Variants in ZBTB10 observed in about 807,000 individuals in gnomAD.
ZBTB10 encodes the protein zinc finger and BTB domain-containing protein 10.
ZBTB10 carries 32 observed loss-of-function variants against 76.4 expected under a neutral mutation model. The observed-to-expected ratio is 0.42, with a 90% CI of 0.32 to 0.56. The LOEUF (loss-of-function observed/expected upper bound fraction) is 0.56, where lower values mean the gene tolerates loss of function less well. Among genes scored for constraint, ZBTB10 ranks in the 20% least tolerant of loss-of-function variants. The pLI is 0.14. For synonymous variants in ZBTB10, 523 were observed against 432.9 expected (o/e 1.21, Z -2.58); for missense variants, 1,057 against 1,098.5 (o/e 0.96, Z 0.53).
chr8:80,489,599 T>C (rs1815571681), intron 1 of ZBTB10, among the ~76,000 whole-genome samples: 1 of 152,218 alleles, frequency 6.6e-6, no homozygotes, highest in Admixed American at 6.5e-5. Flanking sequence ...GGGCATTAAT[T>C]GGATAACCTT....
At chr8:80,494,033 T>A (rs1815718348) in intron 1 of ZBTB10, among the ~76,000 whole-genome samples, 1 of 152,216 alleles carries the variant, frequency 6.6e-6, no homozygotes, top group African/African-American at 2.4e-5. Context: ...TAGCATGTAT[T>A]TGGCAAAACT....
intron 2 of ZBTB10, among the ~76,000 whole-genome samples, chr8:80,502,267 A>T (rs1815943654): frequency 6.6e-6 from 1 of 151,902 alleles, no homozygotes; most frequent in Admixed American, 6.6e-5. Flanking sequence ...ACGGAGTCTC[A>T]CTCTGTTGCC....
In ZBTB10 at chr8:80,486,413, TGC is replaced by T. The variant is rs551768016; in HGVS notation, c.-390_-389del. 4,143 of 984,050 alleles carry T rather than the reference TGC, an allele frequency of 4.2e-3. 10 individuals carry two copies. The highest frequency in any genetic ancestry group is 4.6e-3 in the Non-Finnish European group (3,831 of 829,876). 61.0% of individuals were successfully genotyped at this position (984,050 alleles called of 1,614,324 possible). A position where few individuals can be genotyped will look rare whatever the true frequency, so the allele number is the denominator to read the frequency against. ...GATATCTGTGTGGAGGATCGGTGTG[TGC>T]GCGCGCGGCTTTAAAGAGGGGGCAG... On this transcript the variant is annotated 5_prime_UTR_variant, in exon 1 of 6. Coordinates refer to ENST00000455036, the MANE Select transcript of ZBTB10 (RefSeq NM_001105539.3).
Position 80,508,176 on chromosome 8 carries a change from TG to T in ZBTB10, c.1862-5733del, listed in dbSNP as rs1816106750. On this transcript the variant is annotated intron_variant, in intron 2 of 5. Transcript: ENST00000455036. ...AAGCTGAAGAGCTGAAGAAGTCTTA[TG>T]TGGGTCAGTTAAGGCATTTTTGTGA... 2.0e-5 allele frequency among the ~76,000 whole-genome samples: 3 copies of T among 152,240 alleles called. No homozygotes were observed. In the South Asian group the frequency reaches 6.2e-4, roughly 31 times the overall value.
chr8:80,501,924 C>T (rs1815935371), intron 2 of ZBTB10, among the ~76,000 whole-genome samples: 1 of 152,096 alleles, frequency 6.6e-6, no homozygotes. Context: ...TGGATTATTT[C>T]TGTTTAACAG....
rs139032157 is a variant in ZBTB10 at position 80,507,031 on chromosome 8, C to T, written c.1861+6649C>T. Among the ~76,000 whole-genome samples, 940 of 152,170 alleles carry T rather than the reference C, an allele frequency of 6.2e-3. 11 individuals carry two copies. Among genetic ancestry groups the T allele is most frequent in the African/African-American group, 0.021 (873 of 41,518 alleles). On this transcript the variant is annotated intron_variant, in intron 2 of 5. Coordinates refer to ENST00000455036, the MANE Select transcript of ZBTB10 (RefSeq NM_001105539.3). ...AAGAGACAAGATCTCCCTCTGAGGC[C>T]GGGTGCAGTGGCTCGCGCCTGTAAT...
intron 1 of ZBTB10, 53 bp downstream of exon 1, chr8:80,487,835 C>T: frequency 8.6e-6 from 13 of 1,505,546 alleles, no homozygotes; most frequent in Non-Finnish European, 1.1e-5. Context: ...AAAGGTTTAT[C>T]AGCACTCCCT....
chr8:80,506,512 T>G (rs1365091014), intron 2 of ZBTB10, among the ~76,000 whole-genome samples: 1 of 151,630 alleles, frequency 6.6e-6, no homozygotes, highest in Non-Finnish European at 1.5e-5. Flanking sequence ...CGAGACGGGT[T>G]TTTTTCATGT....
intron 2 of ZBTB10, among the ~76,000 whole-genome samples, chr8:80,508,897 A>G (rs1816123931): frequency 6.6e-6 from 1 of 152,148 alleles, no homozygotes; most frequent in South Asian, 2.1e-4. Context: ...TGATCTGTTT[A>G]TATTGCATTT....
In ZBTB10 at chr8:80,523,164, C is replaced by T. The variant is rs887118292; in HGVS notation, c.*3636C>T. On this transcript the variant is annotated 3_prime_UTR_variant, in exon 6 of 6. Coordinates refer to ENST00000455036, the MANE Select transcript of ZBTB10 (RefSeq NM_001105539.3). ...GGCTCAGAGAAATTCAGAAACTTGG[C>T]TAATTTAACACAGCTGTGACAGAGC... 1.3e-5 allele frequency: 2 copies of T among 151,840 alleles called. No individual in the cohort carries two copies. Among genetic ancestry groups the T allele is most frequent in the Admixed American group, 1.3e-4 (2 of 15,204 alleles). 9.4% of individuals were successfully genotyped at this position (151,840 alleles called of 1,614,324 possible).
intron 3 of ZBTB10, among the ~76,000 whole-genome samples, chr8:80,517,081 G>A (rs762650538): frequency 6.6e-6 from 1 of 152,168 alleles, no homozygotes; most frequent in Non-Finnish European, 1.5e-5. Flanking sequence ...GGAAGCCAGG[G>A]CTCCACCGGG....
In ZBTB10 at chr8:80,486,545, G is replaced by A. The variant is rs1344375829; in HGVS notation, c.-266G>A. ...CGCCCCCTTCTCCGCGCGGGACGCT[G>A]CCCGGAGCGCGGCGGGGCGGGGGTG... On this transcript the variant is annotated 5_prime_UTR_variant, in exon 1 of 6. Coordinates refer to ENST00000455036, the MANE Select transcript of ZBTB10 (RefSeq NM_001105539.3). 2 of 986,164 alleles carry A rather than the reference G, an allele frequency of 2.0e-6. No homozygotes were observed. The highest frequency in any genetic ancestry group is 1.2e-6 in the Non-Finnish European group (1 of 830,638). 61.1% of individuals were successfully genotyped at this position (986,164 alleles called of 1,614,324 possible). A position where few individuals can be genotyped will look rare whatever the true frequency, so the allele number is the denominator to read the frequency against.
intron 2 of ZBTB10, among the ~76,000 whole-genome samples, chr8:80,510,819 A>G (rs1335454239): frequency 6.6e-6 from 1 of 152,158 alleles, no homozygotes; most frequent in African/African-American, 2.4e-5. Context: ...TCCCATAGGA[A>G]GATGCTGGAT....
At chr8:80,487,928 CT>C in intron 1 of ZBTB10, 146 bp downstream of exon 1, 1 of 979,468 alleles carries the variant, frequency 1.0e-6, no homozygotes, top group Non-Finnish European at 1.4e-6. Flanking sequence ...GTGCGGGAAG[CT>C]TAGGCGTGGG....
intron 1 of ZBTB10, among the ~76,000 whole-genome samples, chr8:80,498,875 T>A (rs1234273351): frequency 6.6e-6 from 1 of 152,250 alleles, no homozygotes; most frequent in Non-Finnish European, 1.5e-5. Context: ...CCTAAAGAGA[T>A]AAAGCGTTTT....
Position 80,521,556 on chromosome 8 carries a change from A to G in ZBTB10, c.*2028A>G, listed in dbSNP as rs1160524023. 1.3e-5 allele frequency: 2 copies of G among 151,748 alleles called. No homozygotes were observed. Among genetic ancestry groups the G allele is most frequent in the African/African-American group, 2.4e-5 (1 of 41,418 alleles). 9.4% of individuals were successfully genotyped at this position (151,748 alleles called of 1,614,324 possible). Reference sequence around the variant, plus strand: ...AAAGAACAAAGATATATATCTAAAAATCACCTAAATCTGCTTTATTAGACT... The same window carrying G: ...AAAGAACAAAGATATATATCTAAAAGTCACCTAAATCTGCTTTATTAGACT... On this transcript the variant is annotated 3_prime_UTR_variant, in exon 6 of 6. Transcript: ENST00000455036.
intron 1 of ZBTB10, among the ~76,000 whole-genome samples, chr8:80,493,803 A>C (rs1176732881): frequency 6.6e-6 from 1 of 152,222 alleles, no homozygotes; most frequent in East Asian, 1.9e-4. Flanking sequence ...GTGCTTGGAC[A>C]ACAAGAGCGA....
chr8:80,486,052 C>G, upstream of ZBTB10: 1 of 1,029,826 alleles, frequency 9.7e-7, no homozygotes, highest in Non-Finnish European at 1.3e-6. Context: ...CGCGGCCGCA[C>G]CCCCGCCCCC....
At chr8:80,515,365 G>A (rs1179468069) in intron 3 of ZBTB10, among the ~76,000 whole-genome samples, 1 of 152,188 alleles carries the variant, frequency 6.6e-6, no homozygotes. Context: ...TTGTTACTAA[G>A]AGTAGTCGTG....
Sources: gnomAD v4.1 joint callset for allele counts (sites outside exome capture counted in the v4.1 genomes callset) on GRCh38, gnomAD v4.1.1 for gene constraint, MANE v1.5 for transcripts, NCBI Gene and HGNC (gene_info 2026-07-23, HGNC 2026-07-21) for gene names.